MUC17: variants seen among roughly 807,000 people sequenced by gnomAD.
MUC17 encodes mucin-17.
A neutral mutation model predicts 170.3 loss-of-function variants in MUC17; 190 were observed. The observed-to-expected ratio is 1.12, with a 90% CI of 0.99 to 1.26. MUC17 has a LOEUF of 1.26. Ranked by LOEUF, MUC17 falls within the 50% of genes most tolerant of loss-of-function variation. The pLI, the probability that MUC17 is intolerant of heterozygous loss-of-function variation, is 0.00. For missense variants in MUC17, 6,415 were observed against 5,530.0 expected (o/e 1.16, Z -5.08); for synonymous variants, 2,325 against 2,002.5 (o/e 1.16, Z -4.30).
At chr7:101,022,829 A>G (rs1413900088) in intron 1 of MUC17, among the ~76,000 whole-genome samples, 1 of 151,900 alleles carries the variant, frequency 6.6e-6, no homozygotes, top group Admixed American at 6.6e-5. Context: ...AAAAAAAATC[A>G]AAAACACCCA....
Position 101,041,493 on chromosome 7 carries a change from C to A in MUC17, c.10077C>A (p.Thr3359=), listed in dbSNP as rs748083307. Residue 3359 remains threonine (T), a synonymous_variant, in exon 3 of 13, where the codon ACC becomes ACA. Coordinates refer to ENST00000306151, the MANE Select transcript of MUC17 (RefSeq NM_001040105.2). ...TTPVVSSEAS[T]LSTTPVDTST... The stretch of plus-strand genomic sequence containing the variant: ...CAGTGGTCAGTTCTGAGGCTAGCAC[C>A]CTTTCCACAACTCCTGTTGACACCA... The A allele has an allele frequency of 6.2e-7, 1 of 1,613,822 alleles. No individual in the cohort carries two copies. Among genetic ancestry groups the A allele is most frequent in the Non-Finnish European group, 8.5e-7 (1 of 1,179,930 alleles).
In MUC17 at chr7:101,033,623, G is replaced by A. The variant is rs779949071; in HGVS notation, c.2207G>A (p.Ser736Asn). Reference protein sequence around the residue: ...SSSPTTADGASMPTSTPSEGS... With the variant: ...SSSPTTADGANMPTSTPSEGS... ...TCTCCTACAACTGCTGATGGTGCCA[G>A]TATGCCAACCTCAACTCCTAGTGAA... Residue 736 changes from serine to asparagine, a missense_variant, in exon 3 of 13, where the codon AGT becomes AAT. Physicochemically the swap from Ser to Asn is conservative, Grantham distance 46 (BLOSUM62 1). Transcript: ENST00000306151. 9.3e-6 allele frequency: 15 copies of A among 1,613,418 alleles called. No individual in the cohort carries two copies. Among genetic ancestry groups the A allele is most frequent in the South Asian group, 3.3e-5 (3 of 91,032 alleles).
Position 101,038,420 on chromosome 7 carries a change from A to G in MUC17, c.7004A>G (p.Glu2335Gly). The stretch of plus-strand genomic sequence containing the variant: ...AGCATGCCAACCTCAACTTCTAGTG[A>G]AGGAAACACTCCATTAACACGTATG... Reference protein sequence around the residue: ...GTSMPTSTSSEGNTPLTRMPV... With the variant: ...GTSMPTSTSSGGNTPLTRMPV... The change falls in exon 3 of 13, where the codon GAA (glutamate) becomes GGA (glycine). Residue 2335 changes from glutamate (E) to glycine (G), a missense_variant. Physicochemically the swap from Glu to Gly is moderately conservative, Grantham distance 98. Transcript: ENST00000306151. 6.2e-7 allele frequency: 1 copy of G among 1,613,946 alleles called. No individual in the cohort carries two copies. Among genetic ancestry groups the G allele is most frequent in the Non-Finnish European group, 8.5e-7 (1 of 1,179,990 alleles).
At chr7:101,053,603 T>C in intron 11 of MUC17, 167 bp downstream of exon 11, 2 of 510,290 alleles carry the variant, frequency 3.9e-6, no homozygotes, top group Admixed American at 3.4e-5. Context: ...AAACTCTATC[T>C]CTTAAAAAAA....
Position 101,035,504 on chromosome 7 carries a change from A to G in MUC17, c.4088A>G (p.Asp1363Gly). 1.9e-6 allele frequency: 3 copies of G among 1,596,638 alleles called. No individual in the cohort carries two copies. Among genetic ancestry groups the G allele is most frequent in the Non-Finnish European group, 2.6e-6 (3 of 1,169,362 alleles). Reference sequence around the variant, plus strand: ...AGCATCCTTTCAACAACTCCTGTTGACAACAGCACACCTGTGACCACTTCT... The same window carrying G: ...AGCATCCTTTCAACAACTCCTGTTGGCAACAGCACACCTGTGACCACTTCT... ...AISILSTTPVDNSTPVTTSTE... is the reference protein window; with the variant it reads ...AISILSTTPVGNSTPVTTSTE... Residue 1363 changes from aspartate (D) to glycine (G), a missense_variant, in exon 3 of 13, where the codon GAC becomes GGC. Coordinates refer to ENST00000306151, the MANE Select transcript of MUC17 (RefSeq NM_001040105.2).
In MUC17 at chr7:101,039,125, G is replaced by C. The variant is rs748220207; in HGVS notation, c.7709G>C (p.Ser2570Thr). ...ACCAGCATGCCTACCTCAACTTATA[G>C]TGAAGGAAGCACTCCATTAAGAAGT... ...EGTSMPTSTY[S>T]EGSTPLRSMP... The change falls in exon 3 of 13, where the codon AGT (serine) becomes ACT (threonine). Residue 2570 changes from serine (S) to threonine (T), a missense_variant. Physicochemically the swap from Ser to Thr is moderately conservative, Grantham distance 58. Coordinates refer to ENST00000306151, the MANE Select transcript of MUC17 (RefSeq NM_001040105.2). The C allele has an allele frequency of 3.1e-6, 5 of 1,613,640 alleles. No individual in the cohort carries two copies. The highest frequency in any genetic ancestry group is 1.7e-5 in the Admixed American group (1 of 59,952).
intron 7 of MUC17, 69 bp downstream of exon 7, chr7:101,050,704 C>G: frequency 6.4e-6 from 10 of 1,553,254 alleles, no homozygotes; most frequent in Non-Finnish European, 7.8e-6. Context: ...TCTTAATAGA[C>G]AGGAGGGCGG....
chr7:101,028,310 C>T (rs1462734331), intron 1 of MUC17, among the ~76,000 whole-genome samples: 1 of 151,598 alleles, frequency 6.6e-6, no homozygotes, highest in Non-Finnish European at 1.5e-5. Context: ...AGGCTGGTCT[C>T]GAACTCCTGA....
Position 101,031,141 on chromosome 7 carries a change from T to G in MUC17, c.104T>G (p.Val35Gly). The change falls in exon 2 of 13, where the codon GTG becomes GGG. Residue 35 changes from valine to glycine, a missense_variant. Physicochemically the swap from Val to Gly is moderately radical, Grantham distance 109. Transcript: ENST00000306151. ...AEQDLSVNRA[V>G]WDGGGCISQG... ...TCAGACCTCAGTGTGAACAGGGCTG[T>G]GTGGGATGGAGGAGGGTGCATCTCC... 6.2e-7 allele frequency: 1 copy of G among 1,613,598 alleles called. No homozygotes were observed. The highest frequency in any genetic ancestry group is 8.5e-7 in the Non-Finnish European group (1 of 1,179,772).
At position 101,041,881 on chromosome 7, in the gene MUC17, G is replaced by A. The variant is rs1794718180; in HGVS notation, c.10465G>A (p.Val3489Met). The change falls in exon 3 of 13, where the codon GTG becomes ATG. Residue 3489 changes from valine (V) to methionine (M), a missense_variant. Coordinates refer to ENST00000306151, the MANE Select transcript of MUC17 (RefSeq NM_001040105.2). The part of the protein sequence containing the change: ...STTPVDTSTP[V>M]TTSSPTNSSP... ...AACTCCTGTTGACACCAGCACACCT[G>A]TGACCACTTCTTCTCCAACCAATTC... 1.9e-6 allele frequency: 3 copies of A among 1,613,928 alleles called. No individual in the cohort carries two copies. The highest frequency in any genetic ancestry group is 1.3e-5 in the African/African-American group (1 of 74,868).
chr7:101,039,327 T>C lies in MUC17; in HGVS notation c.7911T>C (p.Ser2637=), dbSNP rs974217896. 3 of 1,613,078 alleles carry C rather than the reference T, an allele frequency of 1.9e-6. No individual in the cohort carries two copies. The highest frequency in any genetic ancestry group is 2.2e-5 in the South Asian group (2 of 91,014). Residue 2637 remains serine, a synonymous_variant, in exon 3 of 13, where the codon AGT becomes AGC. Transcript: ENST00000306151. ...GTGAAGTAAGTACTTCATTAACAAG[T>C]ATACTTGTCAGCACCATGCCAGTGG... The part of the protein sequence containing the change: ...TPSEVSTSLT[S]ILVSTMPVAS...
rs1221585404 is a variant in MUC17 at position 101,036,005 on chromosome 7, A to T, written c.4589A>T (p.Glu1530Val). ...AGCACCACAACAGTGGCCAGTTCTG[A>T]AATCAACAGCCTTTCAACAACTCCT... is the stretch of plus-strand genomic sequence containing the variant. ...PVSTTTVASSEINSLSTTPAV... is the reference protein window; with the variant it reads ...PVSTTTVASSVINSLSTTPAV... The change falls in exon 3 of 13, where the codon GAA becomes GTA. Residue 1530 changes from glutamate (E) to valine (V), a missense_variant. Glu to Val is a moderately radical substitution (Grantham distance 121, BLOSUM62 -2). Coordinates refer to ENST00000306151, the MANE Select transcript of MUC17 (RefSeq NM_001040105.2). The T allele has an allele frequency of 1.2e-6, 2 of 1,611,744 alleles. No individual in the cohort carries two copies.
Position 101,033,634 on chromosome 7 carries a change from TC to T in MUC17, c.2219del (p.Ser740Ter). ...TTADGASMPT[S>X]TPSEGSTPLT... ...TGCTGATGGTGCCAGTATGCCAACC[TC>T]AACTCCTAGTGAAGGAAGCACTCCA... is the stretch of plus-strand genomic sequence containing the variant. On this transcript the variant is annotated frameshift_variant, in exon 3 of 13. Coordinates refer to ENST00000306151, the MANE Select transcript of MUC17 (RefSeq NM_001040105.2). LOFTEE classifies it high-confidence loss of function. The T allele has an allele frequency of 6.2e-7, 1 of 1,613,574 alleles. No individual in the cohort carries two copies. The highest frequency in any genetic ancestry group is 8.5e-7 in the Non-Finnish European group (1 of 1,179,906).
intron 6 of MUC17, among the ~76,000 whole-genome samples, chr7:101,049,964 C>T (rs1344655660): frequency 6.6e-6 from 1 of 152,082 alleles, no homozygotes; most frequent in African/African-American, 2.4e-5. Flanking sequence ...GACCTTGTCT[C>T]TACAAAAAAT....
In MUC17 at chr7:101,035,805, C is replaced by T; in HGVS notation, c.4389C>T (p.Ser1463=). ...GKTPLKSIPV[S]NTPVANSEAS... ...CTCCATTAAAAAGTATACCTGTCAG[C>T]AACACGCCGGTGGCCAATTCTGAGG... Residue 1463 remains serine (S), a synonymous_variant, in exon 3 of 13, where the codon AGC becomes AGT. Coordinates refer to ENST00000306151, the MANE Select transcript of MUC17 (RefSeq NM_001040105.2). 6.2e-7 allele frequency: 1 copy of T among 1,604,334 alleles called. No homozygotes were observed. The highest frequency in any genetic ancestry group is 1.3e-5 in the African/African-American group (1 of 74,812).
In MUC17 at chr7:101,031,815, T is replaced by C. The variant is rs1235915562; in HGVS notation, c.399T>C (p.Thr133=). Residue 133 remains threonine (T), a synonymous_variant, in exon 3 of 13, where the codon ACT becomes ACC. Transcript: ENST00000306151. ...GCACCACACTTTTCCCCAGTTCTAC[T>C]GAAGACACTTCATCTCCTACAACTC... ...SDSTTLFPSS[T]EDTSSPTTPE... 2 of 1,612,714 alleles carry C rather than the reference T, an allele frequency of 1.2e-6. No homozygotes were observed. The highest frequency in any genetic ancestry group is 1.7e-6 in the Non-Finnish European group (2 of 1,178,780).
At chr7:101,023,426 T>C (rs1159839350) in intron 1 of MUC17, among the ~76,000 whole-genome samples, 1 of 152,098 alleles carries the variant, frequency 6.6e-6, no homozygotes, top group Non-Finnish European at 1.5e-5. Context: ...TCTCACTCTG[T>C]CCCAGGCTGG....
intron 1 of MUC17, among the ~76,000 whole-genome samples, chr7:101,024,738 CTTT>C (rs35811119): frequency 4.0e-5 from 5 of 125,446 alleles, no homozygotes; most frequent in African/African-American, 1.3e-4. Context: ...CTGTCTCCTC[CTTT>C]TTTTTTTTTT....
chr7:101,050,286 G>A, intron 6 of MUC17, among the ~76,000 whole-genome samples, 198 bp from the exon 7 acceptor site: 2 of 152,112 alleles, frequency 1.3e-5, no homozygotes, highest in Non-Finnish European at 2.9e-5. Flanking sequence ...TATAGCAGGG[G>A]GCCCAGCGCA....
Sources: allele counts gnomAD v4.1 joint callset (sites outside exome capture counted in the v4.1 genomes callset), GRCh38; gene constraint gnomAD v4.1.1; transcripts MANE v1.5; gene names NCBI Gene and HGNC (gene_info 2026-07-23, HGNC 2026-07-21).